KCTD20: variants seen among roughly 807,000 people sequenced by gnomAD.
The protein encoded by KCTD20 is potassium channel tetramerization domain containing 20.
A neutral mutation model predicts 39.6 loss-of-function variants in KCTD20; 30 were observed. The ratio of observed to expected loss-of-function variants is 0.76; its 90% CI spans 0.57 to 1.03. The LOEUF (loss-of-function observed/expected upper bound fraction) is 1.03. KCTD20 is among the 50% of genes least tolerant of loss of function. The pLI, the probability that KCTD20 is intolerant of heterozygous loss-of-function variation, is 0.00. For missense variants in KCTD20, 422 were observed against 522.0 expected (o/e 0.81, Z 1.87); for synonymous variants, 162 against 180.6 (o/e 0.90, Z 0.83).
Position 36,481,699 on chromosome 6 carries a change from G to A in KCTD20, c.796G>A (p.Glu266Lys). The A allele has an allele frequency of 6.2e-7, 1 of 1,614,242 alleles. No homozygotes were observed. Among genetic ancestry groups the A allele is most frequent in the Non-Finnish European group, 8.5e-7 (1 of 1,180,036 alleles). ...GTGCCACATTGTTGTGCTGACGGAT[G>A]AGGATTCTGTGGACTGGGATGAAGA... The part of the protein sequence containing the change: ...RECHIVVLTD[E>K]DSVDWDEDHP... Residue 266 changes from glutamate (E) to lysine (K), a missense_variant, in exon 6 of 8, where the codon GAG becomes AAG. Transcript: ENST00000373731.
chr6:36,467,766 A>C (rs973542295), intron 1 of KCTD20, among the ~76,000 whole-genome samples: 8 of 152,206 alleles, frequency 5.3e-5, no homozygotes, highest in Non-Finnish European at 7.3e-5. Flanking sequence ...TGTTATAAAC[A>C]ACTTAAATAT....
intron 2 of KCTD20, among the ~76,000 whole-genome samples, chr6:36,472,406 A>G (rs540096033): frequency 4.3e-4 from 65 of 152,324 alleles, no homozygotes; most frequent in Non-Finnish European, 8.4e-4. Flanking sequence ...CCTCTACCCA[A>G]CAATTTATTT....
At position 36,484,823 on chromosome 6, in the gene KCTD20, AG is replaced by A; in HGVS notation, c.967+1del. ...TAAAAAACATTCGCATTGGAATTGAAGGTAAAAAAAAAAAAAAAATCCCAGT... is the reference window on the plus strand; with the variant it reads ...TAAAAAACATTCGCATTGGAATTGAAGTAAAAAAAAAAAAAAAATCCCAGT... The part of the protein sequence containing the change: ...GLKNIRIGIE[G>X]YPTCKEKIKR... On this transcript the variant is annotated frameshift_variant and splice_region_variant, in exon 7 of 8. Transcript: ENST00000373731. LOFTEE classifies it high-confidence loss of function. The A allele has an allele frequency of 1.3e-6, 2 of 1,517,914 alleles. No individual in the cohort carries two copies. The highest frequency in any genetic ancestry group is 1.8e-6 in the Non-Finnish European group (2 of 1,108,722). 94.0% of individuals were successfully genotyped at this position (1,517,914 alleles called of 1,614,324 possible).
chr6:36,462,015 C>A (rs1430830606), intron 1 of KCTD20, among the ~76,000 whole-genome samples: 3 of 152,162 alleles, frequency 2.0e-5, no homozygotes, highest in African/African-American at 7.2e-5. Flanking sequence ...CCACAGATAT[C>A]CTTTGAATTT....
At chr6:36,446,024 G>GT (rs553882182) in intron 1 of KCTD20, among the ~76,000 whole-genome samples, 2 of 126,530 alleles carry the variant, frequency 1.6e-5, no homozygotes, top group African/African-American at 5.9e-5. Context: ...TATGAACTCA[G>GT]TTTTTTTTTT....
chr6:36,460,660 T>C (rs1388677259), intron 1 of KCTD20, among the ~76,000 whole-genome samples: 6 of 152,042 alleles, frequency 3.9e-5, no homozygotes, highest in Admixed American at 1.3e-4. Context: ...CATCTGGAGG[T>C]ATTTGATTTA....
rs1295936022 is a variant in KCTD20, at chr6:36,489,766, A to T, written c.*2591A>T. ...CCTAAATAAGCAAGCCAGGCTGTTGATATTTTAGCCAGAGAAATCGGCAAG... is the reference window on the plus strand; with the variant it reads ...CCTAAATAAGCAAGCCAGGCTGTTGTTATTTTAGCCAGAGAAATCGGCAAG... On this transcript the variant is annotated 3_prime_UTR_variant, in exon 8 of 8. Transcript: ENST00000373731. The T allele has an allele frequency of 6.6e-6, 1 of 152,214 alleles. No homozygotes were observed. 9.4% of individuals were successfully genotyped at this position (152,214 alleles called of 1,614,324 possible).
intron 1 of KCTD20, among the ~76,000 whole-genome samples, chr6:36,460,395 A>G (rs954177459): frequency 6.6e-6 from 1 of 152,010 alleles, no homozygotes; most frequent in African/African-American, 2.4e-5. Context: ...CCTCCACCTC[A>G]CAGATTCCAG....
At chr6:36,448,306 A>C (rs1166510971) in intron 1 of KCTD20, among the ~76,000 whole-genome samples, 1 of 152,184 alleles carries the variant, frequency 6.6e-6, no homozygotes, top group Non-Finnish European at 1.5e-5. Flanking sequence ...ATACAAATGT[A>C]AAATACCATT....
intron 1 of KCTD20, chr6:36,452,500 C>A (rs1313784414): frequency 6.9e-6 from 1 of 145,682 alleles, no homozygotes; most frequent in Non-Finnish European, 1.5e-5. Context: ...TACTGATAGT[C>A]TTTTTTCATC....
intron 1 of KCTD20, among the ~76,000 whole-genome samples, chr6:36,461,830 T>C (rs1326416758): frequency 1.3e-5 from 2 of 152,214 alleles, no homozygotes; most frequent in African/African-American, 4.8e-5. Flanking sequence ...CCTGTCATTG[T>C]ACTTTTATCT....
At chr6:36,446,023 A>ATTTTT (rs1775029421) in intron 1 of KCTD20, among the ~76,000 whole-genome samples, 2 of 18,294 alleles carry the variant, frequency 1.1e-4, no homozygotes, top group African/African-American at 2.0e-4. Context: ...TTATGAACTC[A>ATTTTT]GTTTTTTTTT....
At position 36,481,574 on chromosome 6, in the gene KCTD20, A is replaced by G. The variant is rs1484640834; in HGVS notation, c.671A>G (p.His224Arg). ...TTTCTCTCTGCAGGTGCTTTACTCCATGAACTGTCTAATGACGGTGCTCAT... is the reference window on the plus strand; with the variant it reads ...TTTCTCTCTGCAGGTGCTTTACTCCGTGAACTGTCTAATGACGGTGCTCAT... ...IRCQDLSALL[H>R]ELSNDGAHKQ... The change falls in exon 6 of 8, where the codon CAT (histidine) becomes CGT (arginine). Residue 224 changes from histidine to arginine, a missense_variant. Transcript: ENST00000373731. 2.5e-6 allele frequency: 4 copies of G among 1,614,044 alleles called. No homozygotes were observed. The highest frequency in any genetic ancestry group is 2.5e-6 in the Non-Finnish European group (3 of 1,179,898).
chr6:36,470,735 G>C (rs531064758), intron 2 of KCTD20, among the ~76,000 whole-genome samples: 1 of 152,256 alleles, frequency 6.6e-6, no homozygotes, highest in East Asian at 1.9e-4. Context: ...CGAGTTGCTG[G>C]GACCACAGGT....
intron 7 of KCTD20, among the ~76,000 whole-genome samples, chr6:36,485,827 C>G (rs960058789): frequency 6.6e-6 from 1 of 152,064 alleles, no homozygotes; most frequent in African/African-American, 2.4e-5. Flanking sequence ...TTGTGCTTTG[C>G]TACTCTTGTT....
chr6:36,457,806 G>A lies in KCTD20; in HGVS notation c.-46-12246G>A, dbSNP rs551427341. On this transcript the variant is annotated intron_variant, in intron 1 of 7. Transcript: ENST00000373731. The stretch of plus-strand genomic sequence containing the variant: ...TAATATTTAAAGGGTTGGAAGTGAT[G>A]GAAGGATATGTTTTTCCGGGGGTAG... Among the ~76,000 whole-genome samples the A allele has an allele frequency of 1.2e-3, 182 of 152,332 alleles. 1 individual carries two copies. Among genetic ancestry groups the A allele is most frequent in the Middle Eastern group, 3.4e-3 (1 of 294 alleles).
rs1582383987 is a variant in KCTD20 at position 36,487,706 on chromosome 6, G to T, written c.*531G>T. ...CCCAAATTGCATCTGGAAAGAACTA[G>T]GGTCTCATTCAGAATGTCCAAAAGG... On this transcript the variant is annotated 3_prime_UTR_variant, in exon 8 of 8. Transcript: ENST00000373731. 6.5e-6 allele frequency: 1 copy of T among 153,102 alleles called. No homozygotes were observed. The highest frequency in any genetic ancestry group is 3.4e-3 in the Middle Eastern group (1 of 294). The allele number at this position is 153,102 out of a possible 1,614,324, so 9.5% of individuals were successfully genotyped here. A position where few individuals can be genotyped will look rare whatever the true frequency, so the allele number is the denominator to read the frequency against.
chr6:36,485,633 A>G (rs1167629764), intron 7 of KCTD20, among the ~76,000 whole-genome samples: 1 of 151,726 alleles, frequency 6.6e-6, no homozygotes, highest in East Asian at 1.9e-4. Flanking sequence ...AGCTGGGACT[A>G]CAGGCACCCG....
intron 6 of KCTD20, among the ~76,000 whole-genome samples, chr6:36,483,267 T>C (rs1049884825): frequency 2.1e-5 from 3 of 145,758 alleles, no homozygotes; most frequent in South Asian, 2.2e-4. Flanking sequence ...CTTTTTCTTT[T>C]TTTTTTTTTT....
Sources: gnomAD v4.1 joint callset for allele counts (sites outside exome capture counted in the v4.1 genomes callset) on GRCh38, gnomAD v4.1.1 for gene constraint, MANE v1.5 for transcripts, NCBI Gene and HGNC (gene_info 2026-07-23, HGNC 2026-07-21) for gene names.